The following PIGN variants were observed in gnomAD, a reference collection of about 807,000 sequenced individuals.
PIGN encodes GPI ethanolamine phosphate transferase 1.
In PIGN, 117 loss-of-function variants were observed where a neutral mutation model predicts 125.4. The observed-to-expected ratio is 0.93, with a 90% CI of 0.80 to 1.09. The LOEUF (loss-of-function observed/expected upper bound fraction) is 1.09. PIGN is among the 50% of genes least tolerant of loss of function. The pLI is 0.00. For missense variants in PIGN, 1,075 were observed against 1,094.9 expected, an observed-to-expected ratio of 0.98 and a Z score of 0.26; for synonymous variants, 392 against 377.8, an observed-to-expected ratio of 1.04 and a Z score of -0.44.
intron 14 of PIGN, among the ~76,000 whole-genome samples, chr18:62,116,408 T>C (rs903569119): frequency 9.8e-5 from 15 of 152,298 alleles, no homozygotes; most frequent in African/African-American, 3.1e-4. Flanking sequence ...AATTCTAATC[T>C]TCCTGGACTA....
At chr18:62,099,156 T>C (rs1222477254) in intron 22 of PIGN, among the ~76,000 whole-genome samples, 1 of 151,988 alleles carries the variant, frequency 6.6e-6, no homozygotes, top group Non-Finnish European at 1.5e-5. Context: ...AATTGTCGAA[T>C]TGGCATATAA....
chr18:62,073,600 T>C (rs2033012344), intron 29 of PIGN, among the ~76,000 whole-genome samples: 1 of 152,212 alleles, frequency 6.6e-6, no homozygotes, highest in Admixed American at 6.5e-5. Flanking sequence ...GTTTGTCACT[T>C]TGCACAAAAC....
chr18:62,025,319 T>C (rs1248054079), intron 23 of PIGN, among the ~76,000 whole-genome samples: 5 of 152,232 alleles, frequency 3.3e-5, no homozygotes, highest in Admixed American at 3.3e-4. Context: ...GCCAGTATAT[T>C]TGTTAGTTCT....
At chr18:62,100,759 A>C (rs1423971437) in intron 22 of PIGN, among the ~76,000 whole-genome samples, 1 of 152,226 alleles carries the variant, frequency 6.6e-6, no homozygotes, top group Admixed American at 6.5e-5. Context: ...ATGAATTGGC[A>C]TGAAAATGAG....
chr18:62,150,951 C>T (rs530570577), intron 7 of PIGN, among the ~76,000 whole-genome samples: 5 of 152,234 alleles, frequency 3.3e-5, no homozygotes, highest in African/African-American at 4.8e-5. Context: ...CCACCCGCCT[C>T]GGCCTCCCAA....
intron 1 of PIGN, chr18:62,174,452 T>C (rs973109535): frequency 1.3e-5 from 2 of 152,172 alleles, no homozygotes; most frequent in African/African-American, 4.8e-5. Context: ...AATGGCATAT[T>C]ATAAAGCAAA....
Position 62,050,711 on chromosome 18 carries a change from G to A in PIGN, c.2673-4732C>T, listed in dbSNP as rs564946201. Reference sequence around the variant, plus strand: ...CTTTACTTCCTTCTCCTGCCTAATTGCCCTGGCCAGAACTTCCAACACTAT... The same window carrying A: ...CTTTACTTCCTTCTCCTGCCTAATTACCCTGGCCAGAACTTCCAACACTAT... On this transcript the variant is annotated intron_variant, in intron 30 of 30. Transcript: ENST00000640252. 2.2e-3 allele frequency among the ~76,000 whole-genome samples: 338 copies of A among 152,080 alleles called. 3 individuals carry two copies. Among genetic ancestry groups the A allele is most frequent in the African/African-American group, 8.0e-3 (331 of 41,472 alleles).
chr18:62,095,971 T>C, intron 22 of PIGN, 21 bp from the exon 23 acceptor site: 1 of 1,490,724 alleles, frequency 6.7e-7, no homozygotes, highest in Non-Finnish European at 9.4e-7. Flanking sequence ...ACAGAACAGG[T>C]CATCTGTCAG....
At position 62,186,984 on chromosome 18, in the gene PIGN, CACT is replaced by C. The variant is rs2038089873; in HGVS notation, c.-379_-377del. The C allele has an allele frequency of 6.6e-6, 1 of 152,528 alleles. No homozygotes were observed. Among genetic ancestry groups the C allele is most frequent in the South Asian group, 2.0e-4 (1 of 4,886 alleles). 9.4% of individuals were successfully genotyped at this position (152,528 alleles called of 1,614,324 possible). A position where few individuals can be genotyped will look rare whatever the true frequency, so the allele number is the denominator to read the frequency against. ...AGCCGGGAGGGTATTCCTAAGCCAC[CACT>C]ACAACCACCCCTCAATTCCGGAACG... On this transcript the variant is annotated 5_prime_UTR_variant, in exon 1 of 31. Coordinates refer to ENST00000640252, the MANE Select transcript of PIGN (RefSeq NM_176787.5).
chr18:62,170,039 G>C (rs1482314926), intron 1 of PIGN, among the ~76,000 whole-genome samples: 1 of 152,170 alleles, frequency 6.6e-6, no homozygotes, highest in Non-Finnish European at 1.5e-5. Flanking sequence ...AGCAACACCT[G>C]GCATTGTCAA....
chr18:62,046,008 C>A, intron 30 of PIGN, 29 bp from the exon 31 acceptor site: 1 of 1,603,396 alleles, frequency 6.2e-7, no homozygotes, highest in African/African-American at 1.3e-5. Context: ...ATGTTACAGG[C>A]AGAGAGAACA....
chr18:62,121,171 A>C (rs1280859832), intron 14 of PIGN, among the ~76,000 whole-genome samples: 2 of 152,188 alleles, frequency 1.3e-5, no homozygotes, highest in African/African-American at 2.4e-5. Flanking sequence ...CTGAGAGATG[A>C]TGTAAGGCAC....
intron 10 of PIGN, among the ~76,000 whole-genome samples, chr18:62,144,902 G>A (rs1161645704): frequency 6.6e-6 from 1 of 151,866 alleles, no homozygotes; most frequent in Non-Finnish European, 1.5e-5. Context: ...GGAGTTCCAG[G>A]CTGTAGTGAG....
chr18:62,095,612 AG>A (rs1242694347), intron 23 of PIGN, among the ~76,000 whole-genome samples: 1 of 152,190 alleles, frequency 6.6e-6, no homozygotes, highest in Non-Finnish European at 1.5e-5. Flanking sequence ...TAGCAACTTC[AG>A]AAAAGAGAAA....
intron 1 of PIGN, among the ~76,000 whole-genome samples, chr18:62,179,973 A>G (rs1275090189): frequency 6.6e-6 from 1 of 152,210 alleles, no homozygotes; most frequent in African/African-American, 2.4e-5. Context: ...ATTCTATTAT[A>G]TGACTCTATT....
chr18:62,063,266 C>CAAAATCTATGGTTTTATAGATTTTATCT (rs2145483432), intron 30 of PIGN, among the ~76,000 whole-genome samples: 1 of 147,732 alleles, frequency 6.8e-6, no homozygotes, highest in Non-Finnish European at 1.5e-5. Flanking sequence ...AGATTTTAGC[C>CAAAATCTATGGTTTTATAGATTTTATCT]AAAATCTATG....
chr18:62,152,151 T>G (rs892320218), intron 7 of PIGN, among the ~76,000 whole-genome samples: 17 of 152,218 alleles, frequency 1.1e-4, no homozygotes, highest in Middle Eastern at 6.8e-3. Flanking sequence ...GGTTGGCAAT[T>G]GGTTGAGTTT....
intron 1 of PIGN, among the ~76,000 whole-genome samples, chr18:62,167,331 T>C: frequency 1.0e-5 from 1 of 95,992 alleles, no homozygotes; most frequent in African/African-American, 3.1e-5. Flanking sequence ...TGTGTGTGTG[T>C]GTGTGTGTAT....
Position 62,092,478 on chromosome 18 carries a change from A to G in PIGN, c.2181-1900T>C, listed in dbSNP as rs969734308. 2.0e-5 allele frequency among the ~76,000 whole-genome samples: 3 copies of G among 152,292 alleles called. No homozygotes were observed. In the East Asian group the frequency reaches 5.8e-4, roughly 29 times the overall value. ...TATGAAAAAGCTTATGCATAAAAAC[A>G]TAACTCAAAATATTATCTGTGATAA... is the stretch of plus-strand genomic sequence containing the variant. On this transcript the variant is annotated intron_variant, in intron 23 of 30. Coordinates refer to ENST00000640252, the MANE Select transcript of PIGN (RefSeq NM_176787.5).
Sources: gnomAD v4.1 joint callset for allele counts (sites outside exome capture counted in the v4.1 genomes callset) on GRCh38, gnomAD v4.1.1 for gene constraint, MANE v1.5 for transcripts, NCBI Gene and HGNC (gene_info 2026-07-23, HGNC 2026-07-21) for gene names.